The following ZNF276 variants were observed in gnomAD, a reference collection of about 807,000 sequenced individuals.
ZNF276 encodes the protein zinc finger protein 276, also known as centromere protein Z.
In ZNF276, 59 loss-of-function variants were observed where a neutral mutation model predicts 63.9. The observed-to-expected ratio is 0.92, with a 90% CI of 0.75 to 1.15. The LOEUF is 1.15. ZNF276 is among the 50% of genes most tolerant of loss of function. The probability of loss-of-function intolerance (pLI) is 0.00; values close to 1 mark genes in which losing one functional copy is unlikely to be tolerated. For missense variants in ZNF276, 1,084 were observed against 843.8 expected, an observed-to-expected ratio of 1.28 and a Z score of -3.53; for synonymous variants, 496 against 348.4, an observed-to-expected ratio of 1.42 and a Z score of -4.72.
In ZNF276 at chr16:89,723,592, G is replaced by A. The variant is rs763369469; in HGVS notation, c.889G>A (p.Ala297Thr). The A allele has an allele frequency of 2.2e-5, 35 of 1,612,704 alleles. No individual in the cohort carries two copies. Among genetic ancestry groups the A allele is most frequent in the Non-Finnish European group, 2.9e-5 (34 of 1,180,030 alleles). ...TAGAGGGACAGGGACCCCAGTTGGG[G>A]CTGAGACCAAGACCCTGCCCAGCAC... ...QGRGTGTPVG[A>T]ETKTLPSTDV... The change falls in exon 4 of 11, where the codon GCT becomes ACT. Residue 297 changes from alanine to threonine, a missense_variant. By Grantham distance (58) the Ala-to-Thr change is moderately conservative. Transcript: ENST00000443381.
In ZNF276 at chr16:89,739,391, C is replaced by A; in HGVS notation, c.*1145C>A. On this transcript the variant is annotated 3_prime_UTR_variant, in exon 11 of 11. Transcript: ENST00000443381. ...TCTGTGGAGCAGAGGCACAGACAAC[C>A]CTTCCCATCTGGCGGGACCCAGAGG... 4 of 1,577,548 alleles carry A rather than the reference C, an allele frequency of 2.5e-6. No individual in the cohort carries two copies. The highest frequency in any genetic ancestry group is 2.6e-6 in the Non-Finnish European group (3 of 1,157,666).
In ZNF276 at chr16:89,723,326, C is replaced by T. The variant is rs2061366935; in HGVS notation, c.623C>T (p.Ala208Val). The change falls in exon 4 of 11, where the codon GCC becomes GTC. Residue 208 changes from alanine (A) to valine (V), a missense_variant. Ala to Val is a moderately conservative substitution (Grantham distance 64). Coordinates refer to ENST00000443381, the MANE Select transcript of ZNF276 (RefSeq NM_001113525.2). ...GLVGWVHGHAASCGALPHLQR... is the reference protein window; with the variant it reads ...GLVGWVHGHAVSCGALPHLQR... ...GTGGGGTGGGTGCATGGACATGCGG[C>T]CAGCTGCGGGGCCCTGCCCCACCTT... is the stretch of plus-strand genomic sequence containing the variant. 1.9e-6 allele frequency: 3 copies of T among 1,613,038 alleles called. No homozygotes were observed. Among genetic ancestry groups the T allele is most frequent in the East Asian group, 4.5e-5 (2 of 44,880 alleles).
At chr16:89,723,846 T>G in intron 4 of ZNF276, 137 bp downstream of exon 4, 1 of 994,574 alleles carries the variant, frequency 1.0e-6, no homozygotes, top group South Asian at 1.7e-5. Flanking sequence ...AGCTTGGGGC[T>G]TCTGCCTGCG....
intron 5 of ZNF276, among the ~76,000 whole-genome samples, chr16:89,728,684 T>G (rs9933498): frequency 0.76 from 115,919 of 151,948 alleles, 44,442 homozygotes; most frequent in East Asian, 0.9. Flanking sequence ...TTACAGGTGT[T>G]AGCCACCGCA....
chr16:89,739,464 G>A lies in ZNF276; in HGVS notation c.*1218G>A, dbSNP rs1339996571. Reference sequence around the variant, plus strand: ...ACACTGCCCAGCCCTGACCAGCCCTGTGGGTGGAGGTACCTGTAAAAAGCG... The same window carrying A: ...ACACTGCCCAGCCCTGACCAGCCCTATGGGTGGAGGTACCTGTAAAAAGCG... On this transcript the variant is annotated 3_prime_UTR_variant, in exon 11 of 11. Transcript: ENST00000443381. The A allele has an allele frequency of 1.3e-6, 2 of 1,551,668 alleles. No homozygotes were observed. Among genetic ancestry groups the A allele is most frequent in the Non-Finnish European group, 1.7e-6 (2 of 1,147,594 alleles).
chr16:89,729,850 G>A (rs1241358435), intron 6 of ZNF276, among the ~76,000 whole-genome samples: 1 of 152,104 alleles, frequency 6.6e-6, no homozygotes, highest in Non-Finnish European at 1.5e-5. Context: ...TTGTTTTTAG[G>A]GATTTTTATT....
rs1191520249 is a variant in ZNF276 at position 89,738,452 on chromosome 16, C to A, written c.*206C>A. 5 of 1,399,448 alleles carry A rather than the reference C, an allele frequency of 3.6e-6. No homozygotes were observed. In the East Asian group the frequency reaches 1.2e-4, roughly 35 times the overall value. The allele number at this position is 1,399,448 out of a possible 1,614,324, so 86.7% of individuals were successfully genotyped here. ...CCCGCAAACGCTGAGTGACTCGGGG[C>A]CGGACAGTTCATAAATAATTGATTC... On this transcript the variant is annotated 3_prime_UTR_variant, in exon 11 of 11. Transcript: ENST00000443381.
chr16:89,736,523 C>G (rs1489173315), intron 9 of ZNF276, among the ~76,000 whole-genome samples: 1 of 151,260 alleles, frequency 6.6e-6, no homozygotes, highest in East Asian at 2.0e-4. Context: ...CAGGGTTTTA[C>G]CATATTGATT....
At chr16:89,733,630 T>C (rs2061748638) in intron 8 of ZNF276, 73 bp downstream of exon 8, 2 of 1,557,924 alleles carry the variant, frequency 1.3e-6, no homozygotes, top group Non-Finnish European at 1.8e-6. Context: ...CAGGTGTTTC[T>C]GCAGCCTAAC....
In ZNF276 at chr16:89,738,495, G is replaced by T. The variant is rs1238708842; in HGVS notation, c.*249G>T. On this transcript the variant is annotated 3_prime_UTR_variant, in exon 11 of 11. Coordinates refer to ENST00000443381, the MANE Select transcript of ZNF276 (RefSeq NM_001113525.2). Reference sequence around the variant, plus strand: ...ATTGATTCCTTTCCCCACTAAAGCAGTCGAGGAGATTTGTAATCCACTTTT... The same window carrying T: ...ATTGATTCCTTTCCCCACTAAAGCATTCGAGGAGATTTGTAATCCACTTTT... 1 of 1,542,708 alleles carries T rather than the reference G, an allele frequency of 6.5e-7. No homozygotes were observed. The highest frequency in any genetic ancestry group is 1.4e-5 in the African/African-American group (1 of 73,562).
At chr16:89,735,150 A>G (rs2061813384) in intron 9 of ZNF276, among the ~76,000 whole-genome samples, 2 of 152,174 alleles carry the variant, frequency 1.3e-5, no homozygotes, top group African/African-American at 4.8e-5. Flanking sequence ...ACTTGTTTGA[A>G]CCACGTGGAC....
chr16:89,723,753 C>T lies in ZNF276; in HGVS notation c.1006+44C>T, dbSNP rs1227434611. 5 of 1,562,014 alleles carry T rather than the reference C, an allele frequency of 3.2e-6. No individual in the cohort carries two copies. In the South Asian group the frequency reaches 4.6e-5, roughly 14 times the overall value. On this transcript the variant is annotated intron_variant, in intron 4 of 10. Transcript: ENST00000443381. ...TGGTGCTAGACCAGGATGTGTGCTCCTCAGTGGGGCAGGGTTTTCAGCAGA... is the reference window on the plus strand; with the variant it reads ...TGGTGCTAGACCAGGATGTGTGCTCTTCAGTGGGGCAGGGTTTTCAGCAGA...
At chr16:89,722,960 C>T (rs2061348118) in intron 2 of ZNF276, 126 bp downstream of exon 2, 44 of 1,557,170 alleles carry the variant, frequency 2.8e-5, no homozygotes, top group East Asian at 6.8e-5. Flanking sequence ...TGCCCGGGTT[C>T]AGTGCCAACA....
rs533812797 is a variant in ZNF276, at chr16:89,738,446, T to G, written c.*200T>G. The G allele has an allele frequency of 7.2e-7, 1 of 1,394,302 alleles. No individual in the cohort carries two copies. Among genetic ancestry groups the G allele is most frequent in the Non-Finnish European group, 9.8e-7 (1 of 1,018,766 alleles). The allele number at this position is 1,394,302 out of a possible 1,614,324, so 86.4% of individuals were successfully genotyped here. ...TATTTTCCCGCAAACGCTGAGTGAC[T>G]CGGGGCCGGACAGTTCATAAATAAT... On this transcript the variant is annotated 3_prime_UTR_variant, in exon 11 of 11. Transcript: ENST00000443381.
rs1469098823 is a variant in ZNF276 at position 89,721,652 on chromosome 16, C to G, written c.12C>G (p.Asp4Glu). The G allele has an allele frequency of 1.4e-6, 2 of 1,466,904 alleles. No homozygotes were observed. Among genetic ancestry groups the G allele is most frequent in the Non-Finnish European group, 9.0e-7 (1 of 1,115,004 alleles). The allele number at this position is 1,466,904 out of a possible 1,614,324, so 90.9% of individuals were successfully genotyped here. A position where few individuals can be genotyped will look rare whatever the true frequency, so the allele number is the denominator to read the frequency against. ...CGTCCTCCGCTGCCATGAAGCGGGACCGGCTGGGCCGCTTCCTGTCTCCTG... is the reference window on the plus strand; with the variant it reads ...CGTCCTCCGCTGCCATGAAGCGGGAGCGGCTGGGCCGCTTCCTGTCTCCTG... The part of the protein sequence containing the change: MKR[D>E]RLGRFLSPGS... Residue 4 changes from aspartate to glutamate, a missense_variant, in exon 1 of 11, where the codon GAC becomes GAG. By Grantham distance (45) the Asp-to-Glu change is conservative. Transcript: ENST00000443381.
chr16:89,727,191 GTCATCAA>G, intron 4 of ZNF276, 81 bp from the exon 5 acceptor site: 1 of 1,353,290 alleles, frequency 7.4e-7, no homozygotes, highest in South Asian at 1.2e-5. Flanking sequence ...CTCCCTTCTA[GTCATCAA>G]TAGTAGAATC....
chr16:89,734,693 G>A (rs2061790693), intron 9 of ZNF276, among the ~76,000 whole-genome samples: 1 of 152,206 alleles, frequency 6.6e-6, no homozygotes, highest in Non-Finnish European at 1.5e-5. Flanking sequence ...CACGTGGACA[G>A]GCGGGAGGCA....
chr16:89,724,159 C>T (rs541449666), intron 4 of ZNF276, among the ~76,000 whole-genome samples: 15 of 152,316 alleles, frequency 9.8e-5, no homozygotes, highest in Admixed American at 2.6e-4. Flanking sequence ...GCCAGTGTGG[C>T]GCAGCTTTCT....
In ZNF276 at chr16:89,723,720, C is replaced by G; in HGVS notation, c.1006+11C>G. On this transcript the variant is annotated intron_variant, in intron 4 of 10. Coordinates refer to ENST00000443381, the MANE Select transcript of ZNF276 (RefSeq NM_001113525.2). ...TTTGCAGGGCCCCAGGTAGGAGGCA[C>G]CTCTTGCTGGTGCTAGACCAGGATG... The G allele has an allele frequency of 6.2e-7, 1 of 1,603,274 alleles. No homozygotes were observed. The highest frequency in any genetic ancestry group is 8.5e-7 in the Non-Finnish European group (1 of 1,174,512).
Sources: gnomAD v4.1 joint callset for allele counts (sites outside exome capture counted in the v4.1 genomes callset) on GRCh38, gnomAD v4.1.1 for gene constraint, MANE v1.5 for transcripts, NCBI Gene and HGNC (gene_info 2026-07-23, HGNC 2026-07-21) for gene names.